SLC41A2: variants seen among roughly 807,000 people sequenced by gnomAD.
The protein encoded by SLC41A2 is solute carrier family 41 member 2, also known as SLC41A1-like 1.
Under a neutral mutation model 58.3 loss-of-function variants are expected in SLC41A2, and 32 were observed. The observed-to-expected ratio is 0.55, with a 90% confidence interval of 0.41 to 0.74. The LOEUF (loss-of-function observed/expected upper bound fraction) is 0.74. Ranked by LOEUF, SLC41A2 falls within the 30% of genes least tolerant of loss-of-function variation. The probability of loss-of-function intolerance (pLI) is 0.00; values close to 1 mark genes in which losing one functional copy is unlikely to be tolerated. For synonymous variants in SLC41A2, 190 were observed against 235.0 expected (o/e 0.81, Z 1.75); for missense variants, 514 against 680.6 (o/e 0.76, Z 2.72).
At chr12:104,842,051 A>G (rs1565832460) in intron 10 of SLC41A2, among the ~76,000 whole-genome samples, 2 of 152,092 alleles carry the variant, frequency 1.3e-5, no homozygotes, top group Admixed American at 1.3e-4. Flanking sequence ...TTTGAATATA[A>G]ATTTAACCTA....
intron 10 of SLC41A2, among the ~76,000 whole-genome samples, chr12:104,815,772 T>C (rs2041372779): frequency 2.0e-5 from 3 of 152,084 alleles, no homozygotes; most frequent in Non-Finnish European, 2.9e-5. Flanking sequence ...CTCATTAAAA[T>C]CTAATATAAA....
intron 2 of SLC41A2, among the ~76,000 whole-genome samples, chr12:104,919,470 A>G (rs1392421887): frequency 6.6e-6 from 1 of 152,212 alleles, no homozygotes; most frequent in African/African-American, 2.4e-5. Flanking sequence ...TCCCAACAGC[A>G]ATGCATGATA....
chr12:104,904,164 A>C (rs1010877396), intron 3 of SLC41A2, among the ~76,000 whole-genome samples: 2 of 152,190 alleles, frequency 1.3e-5, no homozygotes, highest in African/African-American at 4.8e-5. Context: ...TATTCTGGAT[A>C]ATGCTCAAGA....
intron 1 of SLC41A2, among the ~76,000 whole-genome samples, chr12:104,937,678 T>C (rs1297948166): frequency 6.6e-6 from 1 of 152,234 alleles, no homozygotes; most frequent in African/African-American, 2.4e-5. Flanking sequence ...CTTAGATTCT[T>C]GTTATCAAAG....
chr12:104,947,364 C>A (rs1390118063), intron 1 of SLC41A2, among the ~76,000 whole-genome samples: 1 of 151,442 alleles, frequency 6.6e-6, no homozygotes, highest in Non-Finnish European at 1.5e-5. Flanking sequence ...CCACCATGCT[C>A]GGCTAATTTT....
chr12:104,810,406 T>A (rs945768150), intron 10 of SLC41A2, among the ~76,000 whole-genome samples: 1 of 152,134 alleles, frequency 6.6e-6, no homozygotes, highest in Non-Finnish European at 1.5e-5. Flanking sequence ...TTATATTACA[T>A]ATTATAATAT....
intron 1 of SLC41A2, among the ~76,000 whole-genome samples, chr12:104,931,132 C>T (rs11112242): frequency 0.023 from 3,575 of 152,306 alleles, 64 homozygotes; most frequent in Non-Finnish European, 0.038. Flanking sequence ...CAGCAAGTAC[C>T]TTCATGCAGT....
intron 10 of SLC41A2, among the ~76,000 whole-genome samples, chr12:104,842,852 C>T (rs879383853): frequency 6.6e-6 from 1 of 152,010 alleles, no homozygotes; most frequent in South Asian, 2.1e-4. Flanking sequence ...GAACCATAAA[C>T]ATAAATGTCA....
rs1272873332 is a variant in SLC41A2 at position 104,892,328 on chromosome 12, A to AAAAAAC, written c.735+2945_735+2946insGTTTTT. 5.2e-3 allele frequency among the ~76,000 whole-genome samples: 655 copies of AAAAAAC among 126,808 alleles called. 32 individuals carry two copies. Among genetic ancestry groups the AAAAAAC allele is most frequent in the African/African-American group, 0.021 (551 of 26,844 alleles). 83.2% of individuals were successfully genotyped at this position (126,808 alleles called of 152,430 possible). A position where few individuals can be genotyped will look rare whatever the true frequency, so the allele number is the denominator to read the frequency against. On this transcript the variant is annotated intron_variant, in intron 4 of 10. Coordinates refer to ENST00000258538, the MANE Select transcript of SLC41A2 (RefSeq NM_001352171.3). ...AAATAAAATAAAATAAAATAAAATA[A>AAAAAAC]AATAAAATATTGATGCAAGAAATTG...
chr12:104,896,985 T>C (rs1050648618), intron 3 of SLC41A2, among the ~76,000 whole-genome samples: 7 of 152,274 alleles, frequency 4.6e-5, no homozygotes, highest in African/African-American at 1.7e-4. Flanking sequence ...GCTCCAGGGC[T>C]TCAGGTGGCT....
At chr12:104,840,975 T>C (rs796172304) in intron 10 of SLC41A2, among the ~76,000 whole-genome samples, 43 of 152,308 alleles carry the variant, frequency 2.8e-4, no homozygotes, top group African/African-American at 9.6e-4. Context: ...AAAAAAATCT[T>C]ATACTAACAT....
upstream of SLC41A2, chr12:104,958,310 G>A (rs2048253691): frequency 6.7e-6 from 1 of 148,898 alleles, no homozygotes; most frequent in Non-Finnish European, 1.5e-5. Flanking sequence ...GTCGGCGCCC[G>A]CGGCCCCCTG....
Position 104,957,403 on chromosome 12 carries a change from G to C in SLC41A2, c.-168+685C>G, listed in dbSNP as rs189790294. On this transcript the variant is annotated intron_variant, in intron 1 of 10. Transcript: ENST00000258538. ...GGGAAATGAGGAGTGATTACTAAGAGAGACAGGGTTTCTTTTGGGGATGAT... is the reference window on the plus strand; with the variant it reads ...GGGAAATGAGGAGTGATTACTAAGACAGACAGGGTTTCTTTTGGGGATGAT... Among the ~76,000 whole-genome samples the C allele has an allele frequency of 1.5e-4, 23 of 152,250 alleles. No homozygotes were observed. In the East Asian group the frequency reaches 4.4e-3, roughly 29 times the overall value.
intron 8 of SLC41A2, among the ~76,000 whole-genome samples, chr12:104,856,085 C>T (rs2043010861): frequency 6.6e-6 from 1 of 152,198 alleles, no homozygotes; most frequent in Non-Finnish European, 1.5e-5. Flanking sequence ...CAGGCTTAAG[C>T]ATCTGCATTT....
At chr12:104,923,361 CAAA>C (rs60629926) in intron 2 of SLC41A2, among the ~76,000 whole-genome samples, 2 of 87,382 alleles carry the variant, frequency 2.3e-5, no homozygotes, top group Non-Finnish European at 5.0e-5. Context: ...GACTCCATCT[CAAA>C]AAAAAAAAAA....
At chr12:104,906,973 A>G (rs1233872949) in intron 3 of SLC41A2, among the ~76,000 whole-genome samples, 3 of 152,164 alleles carry the variant, frequency 2.0e-5, no homozygotes, top group Non-Finnish European at 4.4e-5. Context: ...GGAATCATCC[A>G]TCATCACATT....
chr12:104,906,512 A>G (rs774510255), intron 3 of SLC41A2, among the ~76,000 whole-genome samples: 19 of 152,314 alleles, frequency 1.2e-4, no homozygotes, highest in African/African-American at 4.1e-4. Flanking sequence ...CTACAACACC[A>G]TGTTCCAAAA....
At chr12:104,810,203 T>C (rs2041111193) in intron 10 of SLC41A2, among the ~76,000 whole-genome samples, 1 of 152,022 alleles carries the variant, frequency 6.6e-6, no homozygotes, top group Non-Finnish European at 1.5e-5. Flanking sequence ...TAAAAAAAAT[T>C]TGGCTATCTA....
intron 10 of SLC41A2, 24 bp from the exon 11 acceptor site, chr12:104,805,361 C>T: frequency 1.3e-6 from 2 of 1,593,154 alleles, no homozygotes; most frequent in Non-Finnish European, 1.7e-6. Context: ...ACAGAGATTA[C>T]TCCGGCTGCC....
Sources: gnomAD v4.1 joint callset for allele counts (sites outside exome capture counted in the v4.1 genomes callset) on GRCh38, gnomAD v4.1.1 for gene constraint, MANE v1.5 for transcripts, NCBI Gene and HGNC (gene_info 2026-07-23, HGNC 2026-07-21) for gene names.